The following NBEA variants were observed in gnomAD, a reference collection of about 807,000 sequenced individuals.
NBEA encodes lysosomal-trafficking regulator 2.
Under a neutral mutation model 343.4 loss-of-function variants are expected in NBEA, and 44 were observed. The ratio of observed to expected loss-of-function variants is 0.13; its 90% CI spans 0.10 to 0.16. The LOEUF (loss-of-function observed/expected upper bound fraction) is 0.16. NBEA is among the 10% of genes least tolerant of loss of function. NBEA has a pLI of 1.00. For missense variants in NBEA, 2,555 were observed against 3,631.3 expected (o/e 0.70, Z 7.62); for synonymous variants, 1,175 against 1,238.7 (o/e 0.95, Z 1.08).
chr13:35,155,132 TAAAAAAAAAAAAA>T (rs753159286), intron 18 of NBEA, among the ~76,000 whole-genome samples: 2 of 61,864 alleles, frequency 3.2e-5, no homozygotes, highest in Non-Finnish European at 5.9e-5. Flanking sequence ...ATTCTGTCTC[TAAAAAAAAAAAAA>T]AAAAAAAAAA....
intron 44 of NBEA, among the ~76,000 whole-genome samples, chr13:35,560,396 C>T (rs945433428): frequency 2.0e-5 from 3 of 152,188 alleles, no homozygotes; most frequent in African/African-American, 4.8e-5. Context: ...AATTTATTTA[C>T]TGTCATGACT....
intron 10 of NBEA, among the ~76,000 whole-genome samples, chr13:35,087,830 G>C (rs1053232428): frequency 5.3e-5 from 8 of 152,030 alleles, no homozygotes; most frequent in Middle Eastern, 6.8e-3. Flanking sequence ...GGTATAACCA[G>C]AGAACCTTGT....
intron 24 of NBEA, among the ~76,000 whole-genome samples, chr13:35,165,545 A>G (rs2069944007): frequency 6.6e-6 from 1 of 152,174 alleles, no homozygotes; most frequent in South Asian, 2.1e-4. Flanking sequence ...GAGTGCAAGT[A>G]TACATACACC....
At chr13:35,626,154 A>G (rs2083220248) in intron 48 of NBEA, among the ~76,000 whole-genome samples, 1 of 152,218 alleles carries the variant, frequency 6.6e-6, no homozygotes, top group Admixed American at 6.5e-5. Flanking sequence ...TAAGGAACAA[A>G]ATGAAATTTT....
chr13:35,264,695 T>A (rs73489543), intron 34 of NBEA, among the ~76,000 whole-genome samples: 17,723 of 151,848 alleles, frequency 0.12, 1,109 homozygotes, highest in East Asian at 0.18. Context: ...ACCAAATTCA[T>A]TGTTTTTGCA....
chr13:35,188,113 A>G (rs2071859229), intron 30 of NBEA, among the ~76,000 whole-genome samples: 2 of 152,088 alleles, frequency 1.3e-5, no homozygotes, highest in South Asian at 2.1e-4. Context: ...ATTAGAATGT[A>G]TGCTTCAAGA....
At chr13:35,372,365 C>T (rs1434275875) in intron 38 of NBEA, among the ~76,000 whole-genome samples, 1 of 152,110 alleles carries the variant, frequency 6.6e-6, no homozygotes, top group Non-Finnish European at 1.5e-5. Context: ...CCTTAGGCCC[C>T]CATGGGAAGT....
At chr13:35,021,855 T>C (rs1184413166) in intron 1 of NBEA, among the ~76,000 whole-genome samples, 1 of 152,168 alleles carries the variant, frequency 6.6e-6, no homozygotes, top group East Asian at 1.9e-4. Context: ...CTTTAGATAG[T>C]TATGTTTTAA....
chr13:35,483,146 G>A (rs1566202397), intron 41 of NBEA, among the ~76,000 whole-genome samples: 1 of 151,866 alleles, frequency 6.6e-6, no homozygotes, highest in Non-Finnish European at 1.5e-5. Context: ...TTTCATGTAT[G>A]TGACAAATTA....
intron 36 of NBEA, among the ~76,000 whole-genome samples, chr13:35,337,874 C>T (rs1470103312): frequency 1.3e-5 from 2 of 151,620 alleles, no homozygotes; most frequent in Non-Finnish European, 2.9e-5. Context: ...ACTAAATAAC[C>T]AATGGGTTAA....
chr13:35,387,133 C>T (rs1233799259), intron 38 of NBEA, among the ~76,000 whole-genome samples: 3 of 152,100 alleles, frequency 2.0e-5, no homozygotes, highest in African/African-American at 7.2e-5. Flanking sequence ...ATTGTAACAA[C>T]TATTTTTATC....
At chr13:35,287,938 G>T (rs1171160479) in intron 34 of NBEA, among the ~76,000 whole-genome samples, 1 of 151,950 alleles carries the variant, frequency 6.6e-6, no homozygotes, top group Non-Finnish European at 1.5e-5. Flanking sequence ...TAAGTTATTT[G>T]TAAATTCTAA....
At chr13:35,063,846 T>C (rs1331821903) in intron 8 of NBEA, among the ~76,000 whole-genome samples, 1 of 151,942 alleles carries the variant, frequency 6.6e-6, no homozygotes, top group African/African-American at 2.4e-5. Context: ...GGATATACTT[T>C]GGAGGTAGTG....
At chr13:35,271,292 CAGAA>C (rs1260730754) in intron 34 of NBEA, among the ~76,000 whole-genome samples, 1 of 152,180 alleles carries the variant, frequency 6.6e-6, no homozygotes, top group Admixed American at 6.5e-5. Flanking sequence ...AACTAACAAA[CAGAA>C]AGGAATAACA....
At chr13:35,434,829 A>G (rs959411799) in intron 39 of NBEA, among the ~76,000 whole-genome samples, 1 of 152,206 alleles carries the variant, frequency 6.6e-6, no homozygotes, top group African/African-American at 2.4e-5. Context: ...TATAGAAAAT[A>G]TCTCTTCAGA....
chr13:35,634,584 T>G (rs1049473033), intron 49 of NBEA, among the ~76,000 whole-genome samples: 2 of 152,212 alleles, frequency 1.3e-5, no homozygotes, highest in African/African-American at 2.4e-5. Context: ...TTTCAATGGC[T>G]TCTTTTTAAC....
chr13:35,522,735 C>T (rs1198256160), intron 41 of NBEA, among the ~76,000 whole-genome samples: 1 of 151,950 alleles, frequency 6.6e-6, no homozygotes, highest in Non-Finnish European at 1.5e-5. Flanking sequence ...CTCATAGGAT[C>T]GTGAACCCTA....
intron 4 of NBEA, among the ~76,000 whole-genome samples, 178 bp from the exon 5 acceptor site, chr13:35,048,385 T>C (rs149469031): frequency 3.9e-5 from 6 of 152,112 alleles, no homozygotes; most frequent in Admixed American, 3.9e-4. Flanking sequence ...CAACAAATAC[T>C]ATTTAGGTGT....
At chr13:35,476,053 T>G in intron 41 of NBEA, 1 of 1,614,232 alleles carries the variant, frequency 6.2e-7, no homozygotes, top group South Asian at 1.1e-5. Context: ...CCGGATAGTT[T>G]TGGCAATGGC....
Sources: allele counts gnomAD v4.1 joint callset (sites outside exome capture counted in the v4.1 genomes callset), GRCh38; gene constraint gnomAD v4.1.1; transcripts MANE v1.5; gene names NCBI Gene and HGNC (gene_info 2026-07-23, HGNC 2026-07-21).